Variants in CTTN observed in about 807,000 individuals in gnomAD.
CTTN encodes the protein cortactin, also known as src substrate cortactin.
CTTN carries 28 observed loss-of-function variants against 84.0 expected under a neutral mutation model. The observed-to-expected ratio is 0.33, with a 90% CI of 0.25 to 0.46. The LOEUF (loss-of-function observed/expected upper bound fraction) is 0.46, where lower values mean the gene tolerates loss of function less well. Among genes scored for constraint, CTTN ranks in the 20% least tolerant of loss-of-function variants. CTTN has a pLI of 1.00. For synonymous variants in CTTN, 301 were observed against 288.8 expected (o/e 1.04, Z -0.43); for missense variants, 641 against 723.8 (o/e 0.89, Z 1.31).
rs2058362281 is a variant in CTTN, at chr11:70,432,353, C to G, written c.1267-748C>G. ...CTGTGCTGAGGGTGGAGTCGCTCTC[C>G]CTGCCCGATTACTCTCCCTGGCTAG... On this transcript the variant is annotated intron_variant, in intron 15 of 17. Transcript: ENST00000301843. Among the ~76,000 whole-genome samples, 3 of 152,204 alleles carry G rather than the reference C, an allele frequency of 2.0e-5. No homozygotes were observed. In the South Asian group the frequency reaches 6.2e-4, roughly 31 times the overall value.
At chr11:70,414,674 CTGGGGCAGGT>C in intron 6 of CTTN, 22 bp downstream of exon 6, 1 of 1,584,666 alleles carries the variant, frequency 6.3e-7, no homozygotes, top group African/African-American at 1.3e-5. Flanking sequence ...GGCACTGGGA[CTGGGGCAGGT>C]TGGGGCAAGG....
rs751499583 is a variant in CTTN, at chr11:70,435,127, C to T, written c.1618C>T (p.Leu540Phe). Reference protein sequence around the residue: ...WRGVCKGRYGLFPANYVELRQ With the variant: ...WRGVCKGRYGFFPANYVELRQ ...CGGGGTGTGCAAGGGCCGGTACGGG[C>T]TCTTCCCAGCCAACTATGTGGAGCT... Residue 540 changes from leucine (L) to phenylalanine (F), a missense_variant, in exon 18 of 18, where the codon CTC (leucine) becomes TTC (phenylalanine). By Grantham distance (22) the Leu-to-Phe change is conservative. Around this residue, in one of 3 missense-constraint regions of CTTN, gnomAD observed 68 missense variants for 102.2 expected, o/e 0.67. Transcript: ENST00000301843. 3 of 1,613,194 alleles carry T rather than the reference C, an allele frequency of 1.9e-6. No individual in the cohort carries two copies. Among genetic ancestry groups the T allele is most frequent in the Non-Finnish European group, 2.5e-6 (3 of 1,179,910 alleles).
rs1049614249 is a variant in CTTN at position 70,422,702 on chromosome 11, C to T, written c.902-238C>T. The T allele has an allele frequency of 4.8e-5, 70 of 1,445,916 alleles. 1 individual carries two copies. The East Asian group carries it at 2.0e-3, about 42-fold the overall frequency. The allele number at this position is 1,445,916 out of a possible 1,614,324, so 89.6% of individuals were successfully genotyped here. A position where few individuals can be genotyped will look rare whatever the true frequency, so the allele number is the denominator to read the frequency against. On this transcript the variant is annotated intron_variant, in intron 11 of 17. Transcript: ENST00000301843. Reference sequence around the variant, plus strand: ...GCCGCCCCTCCTGCCCCTCCTGCCCCTCAGGGAATGCTGAAGCCTCTGCCC... The same window carrying T: ...GCCGCCCCTCCTGCCCCTCCTGCCCTTCAGGGAATGCTGAAGCCTCTGCCC...
chr11:70,401,769 G>A (rs907552750), intron 1 of CTTN, among the ~76,000 whole-genome samples: 32 of 152,162 alleles, frequency 2.1e-4, no homozygotes, highest in African/African-American at 6.8e-4. Context: ...GGGACACAGA[G>A]GTTGCAGTGA....
At chr11:70,433,390 T>A in intron 16 of CTTN, 112 bp downstream of exon 16, 4 of 1,133,716 alleles carry the variant, frequency 3.5e-6, no homozygotes, top group Non-Finnish European at 4.9e-6. Context: ...GACACGCCTT[T>A]GCTTGCTTGC....
intron 17 of CTTN, among the ~76,000 whole-genome samples, chr11:70,433,920 C>G (rs1318393209): frequency 6.6e-6 from 1 of 152,168 alleles, no homozygotes; most frequent in South Asian, 2.1e-4. Flanking sequence ...TGCACACACA[C>G]GCACACACCC....
At chr11:70,424,172 CTG>C (rs1245902029) in intron 12 of CTTN, among the ~76,000 whole-genome samples, 1 of 152,020 alleles carries the variant, frequency 6.6e-6, no homozygotes, top group African/African-American at 2.4e-5. Context: ...TCAGAGGACA[CTG>C]GGCAGGGGGA....
intron 8 of CTTN, 39 bp from the exon 9 acceptor site, chr11:70,419,707 T>G (rs770500143): frequency 2.6e-6 from 4 of 1,534,960 alleles, no homozygotes; most frequent in Non-Finnish European, 3.6e-6. Context: ...ACTGATTTCG[T>G]TGCTCCTTTT....
intron 5 of CTTN, among the ~76,000 whole-genome samples, chr11:70,411,000 G>A (rs929679935): frequency 9.9e-5 from 15 of 152,262 alleles, no homozygotes; most frequent in African/African-American, 3.4e-4. Flanking sequence ...GGGGAGGAGT[G>A]GGGTGAGGGA....
intron 9 of CTTN, 86 bp from the exon 10 acceptor site, chr11:70,420,314 C>T (rs977157178): frequency 1.1e-5 from 9 of 851,012 alleles, no homozygotes; most frequent in African/African-American, 5.0e-5. Flanking sequence ...GAATCATATG[C>T]GTTTAACTGT....
In CTTN at chr11:70,421,320, G is replaced by T. The variant is rs1316913405; in HGVS notation, c.791-150G>T. 5 of 684,570 alleles carry T rather than the reference G, an allele frequency of 7.3e-6. No individual in the cohort carries two copies. In the African/African-American group the frequency reaches 8.9e-5, roughly 12 times the overall value. The allele number at this position is 684,570 out of a possible 1,614,324, so 42.4% of individuals were successfully genotyped here. A position where few individuals can be genotyped will look rare whatever the true frequency, so the allele number is the denominator to read the frequency against. On this transcript the variant is annotated intron_variant, in intron 10 of 17. Coordinates refer to ENST00000301843, the MANE Select transcript of CTTN (RefSeq NM_005231.4). ...CTCTGGAGCCACCTTCTGGCGCTGA[G>T]CCTGGGAGTAGGATCTCAAAGGCCC...
chr11:70,414,779 G>C, intron 6 of CTTN, 127 bp downstream of exon 6: 1 of 652,510 alleles, frequency 1.5e-6, no homozygotes, highest in East Asian at 2.6e-5. Context: ...CTGCAGAGAG[G>C]GGCATCTGCC....
At position 70,403,541 on chromosome 11, in the gene CTTN, C is replaced by T. The variant is rs866867630; in HGVS notation, c.-97-1724C>T. ...GTTCAAAATACTTTTCTCTCAGGAT[C>T]GTCTTGTCACCTTCTTGATGAAGCA... On this transcript the variant is annotated intron_variant, in intron 1 of 17. Coordinates refer to ENST00000301843, the MANE Select transcript of CTTN (RefSeq NM_005231.4). Among the ~76,000 whole-genome samples, 49 of 152,192 alleles carry T rather than the reference C, an allele frequency of 3.2e-4. 1 individual carries two copies. The highest frequency in any genetic ancestry group is 1.2e-3 in the African/African-American group (48 of 41,534).
rs113524624 is a variant in CTTN at position 70,427,654 on chromosome 11, C to T, written c.1028-1397C>T. The stretch of plus-strand genomic sequence containing the variant: ...GGTCCTGCAGGCCGGCTCCTCTGGC[C>T]CTGTGAGGGACTCGCTACCCACTGT... On this transcript the variant is annotated intron_variant, in intron 13 of 17. Coordinates refer to ENST00000301843, the MANE Select transcript of CTTN (RefSeq NM_005231.4). 3.5e-3 allele frequency among the ~76,000 whole-genome samples: 534 copies of T among 152,330 alleles called. 8 individuals are homozygous for T. The highest frequency in any genetic ancestry group is 0.012 in the African/African-American group (515 of 41,582).
At chr11:70,408,491 G>C (rs2058067515) in intron 4 of CTTN, 1 of 152,252 alleles carries the variant, frequency 6.6e-6, no homozygotes, top group African/African-American at 2.4e-5. Flanking sequence ...TTGACTTCCT[G>C]GGTTCAAGCG....
At chr11:70,431,392 G>C in intron 15 of CTTN, 112 bp downstream of exon 15, 11 of 1,144,584 alleles carry the variant, frequency 9.6e-6, no homozygotes, top group Non-Finnish European at 1.2e-5. Context: ...TGGGTGTAGA[G>C]GGCATCGCTG....
At chr11:70,425,012 G>T (rs534213744) in intron 12 of CTTN, among the ~76,000 whole-genome samples, 2 of 152,264 alleles carry the variant, frequency 1.3e-5, no homozygotes, top group East Asian at 3.9e-4. Context: ...TTCGCTTCCT[G>T]TAAATGCTCA....
chr11:70,424,833 C>T (rs953217454), intron 12 of CTTN, among the ~76,000 whole-genome samples: 1 of 152,104 alleles, frequency 6.6e-6, no homozygotes, highest in Admixed American at 6.5e-5. Flanking sequence ...TGGGTACGGC[C>T]ACTGGTCTCC....
Position 70,434,295 on chromosome 11 carries a change from G to T in CTTN, c.1516+577G>T, listed in dbSNP as rs182179326. 6.1e-4 allele frequency among the ~76,000 whole-genome samples: 93 copies of T among 152,348 alleles called. 1 individual carries two copies. Among genetic ancestry groups the T allele is most frequent in the African/African-American group, 2.1e-3 (88 of 41,592 alleles). ...ACCATGCGGTGGGGCTCTCTGCTGG[G>T]CCGCATAGCATCCACTTGTCCCTCT... is the stretch of plus-strand genomic sequence containing the variant. On this transcript the variant is annotated intron_variant, in intron 17 of 17. Coordinates refer to ENST00000301843, the MANE Select transcript of CTTN (RefSeq NM_005231.4).
Sources: gnomAD v4.1 joint callset for allele counts (sites outside exome capture counted in the v4.1 genomes callset) on GRCh38, gnomAD v4.1.1 for gene constraint, gnomAD v4.1.1 regional missense constraint, MANE v1.5 for transcripts, NCBI Gene and HGNC (gene_info 2026-07-23, HGNC 2026-07-21) for gene names.